SCRG1: variants seen among roughly 807,000 people sequenced by gnomAD.
The protein encoded by SCRG1 is scrapie-responsive protein 1.
SCRG1 carries 3 observed loss-of-function variants against 7.7 expected under a neutral mutation model. The observed-to-expected ratio is 0.39, with a 90% CI of 0.18 to 1.01. The LOEUF (loss-of-function observed/expected upper bound fraction) is 1.01, where lower values mean the gene tolerates loss of function less well. SCRG1 is among the 50% of genes least tolerant of loss of function. The pLI, the probability that SCRG1 is intolerant of heterozygous loss-of-function variation, is 0.36. For synonymous variants in SCRG1, 46 were observed against 41.2 expected (o/e 1.12, Z -0.44); for missense variants, 110 against 117.2 (o/e 0.94, Z 0.28).
At chr4:173,454,984 A>G in the SCRG1 span, among the ~76,000 whole-genome samples, 14 of 152,168 alleles carry the variant, frequency 9.2e-5, no homozygotes, top group African/African-American at 3.1e-4. Context: ...GTGGTTTCTT[A>G]TGATTCTTAT....
upstream of SCRG1, among the ~76,000 whole-genome samples, chr4:173,403,470 G>A (rs1739815822): frequency 6.6e-6 from 1 of 152,184 alleles, no homozygotes; most frequent in East Asian, 1.9e-4. Context: ...ACCCACCTTC[G>A]TCTGCGCCGC....
chr4:173,473,727 G>T, the SCRG1 span, among the ~76,000 whole-genome samples: 1 of 152,194 alleles, frequency 6.6e-6, no homozygotes, highest in Admixed American at 6.5e-5. Flanking sequence ...AGGCAATAAG[G>T]CCGTGGGGGG....
At chr4:173,451,325 C>A in the SCRG1 span, among the ~76,000 whole-genome samples, 1 of 151,188 alleles carries the variant, frequency 6.6e-6, no homozygotes, top group Admixed American at 6.6e-5. Flanking sequence ...ACCAGGAGCA[C>A]CTAAGAGCTA....
At chr4:173,509,512 G>A in the SCRG1 span, among the ~76,000 whole-genome samples, 11 of 152,186 alleles carry the variant, frequency 7.2e-5, no homozygotes, top group Admixed American at 3.9e-4. This position sits in a 1 kb window ranked among gnomAD's most constrained non-coding sequence, Gnocchi z 5.7. Context: ...GGGCGGTAGC[G>A]GGACCTGCGC....
At chr4:173,414,091 C>T in the SCRG1 span, among the ~76,000 whole-genome samples, 1 of 152,090 alleles carries the variant, frequency 6.6e-6, no homozygotes, top group Admixed American at 6.5e-5. Flanking sequence ...GTTTGGTTAG[C>T]ACGGGTCAGT....
At chr4:173,389,841 T>G (rs1051469318) in intron 2 of SCRG1, 1 of 430,602 alleles carries the variant, frequency 2.3e-6, no homozygotes, top group Non-Finnish European at 4.7e-6. Flanking sequence ...GATGGTTATA[T>G]CTACCTTTTC....
At chr4:173,449,930 T>C in the SCRG1 span, among the ~76,000 whole-genome samples, 1 of 152,236 alleles carries the variant, frequency 6.6e-6, no homozygotes, top group Non-Finnish European at 1.5e-5. Flanking sequence ...TCTGACATTA[T>C]ACAGTTTGTT....
the SCRG1 span, among the ~76,000 whole-genome samples, chr4:173,414,593 A>T: frequency 1.7e-3 from 261 of 152,254 alleles, 2 homozygotes; most frequent in Non-Finnish European, 3.2e-3. Flanking sequence ...CCTCTTGATC[A>T]TGTCGTTTGA....
chr4:173,507,010 C>G, the SCRG1 span, among the ~76,000 whole-genome samples: 1 of 152,310 alleles, frequency 6.6e-6, no homozygotes, highest in African/African-American at 2.4e-5. This position sits in a 1 kb window ranked among gnomAD's most constrained non-coding sequence, Gnocchi z 4.4. Context: ...ACCGAGCAGC[C>G]CCGGAGCTCT....
the SCRG1 span, among the ~76,000 whole-genome samples, chr4:173,439,453 T>G: frequency 6.6e-6 from 1 of 151,764 alleles, no homozygotes; most frequent in East Asian, 1.9e-4. Context: ...AGGTCAAGGC[T>G]GCAGTGAGCC....
upstream of SCRG1, among the ~76,000 whole-genome samples, chr4:173,401,404 G>A (rs1018168424): frequency 3.3e-5 from 5 of 152,136 alleles, no homozygotes; most frequent in Non-Finnish European, 5.9e-5. Flanking sequence ...AGAGCTATCC[G>A]TCCTGTTTAC....
At chr4:173,513,926 G>T in the SCRG1 span, among the ~76,000 whole-genome samples, 1 of 152,166 alleles carries the variant, frequency 6.6e-6, no homozygotes, top group Admixed American at 6.5e-5. Flanking sequence ...GTACATTTTG[G>T]GTATTTTTAA....
chr4:173,483,677 G>T, the SCRG1 span, among the ~76,000 whole-genome samples: 2 of 9,280 alleles, frequency 2.2e-4, no homozygotes, highest in Admixed American at 2.0e-3. Context: ...TAATATATAT[G>T]ATATATTATA....
the SCRG1 span, among the ~76,000 whole-genome samples, chr4:173,496,786 C>CA: frequency 6.6e-6 from 1 of 152,086 alleles, no homozygotes; most frequent in African/African-American, 2.4e-5. Context: ...ATAAGAGGTC[C>CA]AAAACAGGAC....
intron 1 of SCRG1, among the ~76,000 whole-genome samples, chr4:173,404,950 C>T (rs527846625): frequency 4.7e-4 from 71 of 151,700 alleles, no homozygotes; most frequent in African/African-American, 1.6e-3. Context: ...TCCTATATAC[C>T]CTATATCCAG....
chr4:173,394,836 C>G (rs1202160246), intron 1 of SCRG1, among the ~76,000 whole-genome samples: 1 of 152,096 alleles, frequency 6.6e-6, no homozygotes, highest in Admixed American at 6.5e-5. Context: ...TGTCTTTCAA[C>G]TTTTATGCTA....
the SCRG1 span, among the ~76,000 whole-genome samples, chr4:173,425,549 A>T: frequency 6.6e-6 from 1 of 152,192 alleles, no homozygotes; most frequent in African/African-American, 2.4e-5. Flanking sequence ...GGCAGGTATG[A>T]TGGACTACTG....
the SCRG1 span, among the ~76,000 whole-genome samples, chr4:173,483,455 T>TATATATTATATATTATATTCTAATATATA: frequency 1.7e-4 from 1 of 5,986 alleles, no homozygotes; most frequent in Non-Finnish European, 4.8e-4. Context: ...TATATCATGA[T>TATATATTATATATTATATTCTAATATATA]ATATATTATA....
chr4:173,499,540 C>A, the SCRG1 span, among the ~76,000 whole-genome samples: 5 of 152,340 alleles, frequency 3.3e-5, no homozygotes, highest in South Asian at 1.0e-3. The surrounding 1 kb of genome is among the most constrained non-coding windows in gnomAD (Gnocchi z 4.1). Flanking sequence ...CTATTGCCTT[C>A]ACCTAGTTCA....
Sources: allele counts gnomAD v4.1 joint callset (sites outside exome capture counted in the v4.1 genomes callset), GRCh38; gene constraint gnomAD v4.1.1; non-coding constraint Gnocchi (gnomAD v3.1); transcripts MANE v1.5; gene names NCBI Gene and HGNC (gene_info 2026-07-23, HGNC 2026-07-21).